The following PLA2G4E variants were observed in gnomAD, a reference collection of about 807,000 sequenced individuals.
PLA2G4E encodes the protein phospholipase A2 group IVE, also known as cytosolic phospholipase A2 epsilon.
Under a neutral mutation model 109.1 loss-of-function variants are expected in PLA2G4E, and 84 were observed. That is an observed-to-expected ratio of 0.77 (90% CI 0.65 to 0.92). PLA2G4E has a LOEUF of 0.92. Ranked by LOEUF, PLA2G4E falls within the 40% of genes least tolerant of loss-of-function variation. PLA2G4E has a pLI of 0.00. For missense variants in PLA2G4E, 1,057 were observed against 1,076.6 expected, an observed-to-expected ratio of 0.98 and a Z score of 0.25; for synonymous variants, 469 against 436.1, an observed-to-expected ratio of 1.08 and a Z score of -0.94.
In PLA2G4E at chr15:41,989,441, G is replaced by A. The variant is rs201200817; in HGVS notation, c.1697C>T (p.Pro566Leu). 2.2e-5 allele frequency: 35 copies of A among 1,613,876 alleles called. 1 individual carries two copies. Among genetic ancestry groups the A allele is most frequent in the South Asian group, 4.4e-5 (4 of 91,084 alleles). Residue 566 changes from proline (P) to leucine (L), a missense_variant, in exon 15 of 20, where the codon CCG (proline) becomes CTG (leucine). Pro to Leu is a moderately conservative substitution (Grantham distance 98). Coordinates refer to ENST00000399518, the Ensembl canonical transcript of PLA2G4E. ...TAGCATGTAGCAGATTCGAGACTCC[G>A]GGATCCTCTTCACCAGCCGCCCCAT...
Position 41,998,106 on chromosome 15 carries a change from C to T in PLA2G4E, c.975-847G>A, listed in dbSNP as rs546475885. ...GTGTCTTCCCTTTGCCCACCTCCAG[C>T]CTGTGCATCCTCTGAGGCCCAGCTC... On this transcript the variant is annotated intron_variant, in intron 10 of 19. Coordinates refer to ENST00000399518, the Ensembl canonical transcript of PLA2G4E. The T allele has an allele frequency of 2.6e-5, 4 of 152,392 alleles. No homozygotes were observed. In the East Asian group the frequency reaches 7.7e-4, roughly 29 times the overall value. 9.4% of individuals were successfully genotyped at this position (152,392 alleles called of 1,614,324 possible).
chr15:41,988,394 G>A (rs1347067165), intron 15 of PLA2G4E, among the ~76,000 whole-genome samples: 1 of 152,182 alleles, frequency 6.6e-6, no homozygotes, highest in African/African-American at 2.4e-5. Flanking sequence ...ACGTAAAGGT[G>A]TATAAGGCAC....
intron 1 of PLA2G4E, among the ~76,000 whole-genome samples, chr15:42,027,920 A>G (rs917990572): frequency 5.4e-5 from 6 of 111,308 alleles, no homozygotes; most frequent in Non-Finnish European, 9.7e-5. Flanking sequence ...CTCTATTAAC[A>G]TAATTCATCA....
At chr15:42,033,749 C>T (rs1214450538) in intron 1 of PLA2G4E, among the ~76,000 whole-genome samples, 1 of 152,208 alleles carries the variant, frequency 6.6e-6, no homozygotes, top group South Asian at 2.1e-4. Flanking sequence ...CACCACCTGG[C>T]ACCCTCTCCC....
chr15:41,998,888 A>G (rs2068381876), intron 10 of PLA2G4E: 1 of 152,340 alleles, frequency 6.6e-6, no homozygotes, highest in East Asian at 1.9e-4. Context: ...CCCCGTCTCT[A>G]CTGAAAATAC....
At position 41,995,548 on chromosome 15, in the gene PLA2G4E, G is replaced by T. The variant is rs567669460; in HGVS notation, c.1111-52C>A. ...GGGGAAGGCTCCAGAAGCAAAGCTTGGGAGAAGACTTAGAATGACGGCAAC... is the reference window on the plus strand; with the variant it reads ...GGGGAAGGCTCCAGAAGCAAAGCTTTGGAGAAGACTTAGAATGACGGCAAC... On this transcript the variant is annotated intron_variant, in intron 11 of 19. Transcript: ENST00000399518. 3 of 1,600,896 alleles carry T rather than the reference G, an allele frequency of 1.9e-6. No individual in the cohort carries two copies. In the African/African-American group the frequency reaches 4.0e-5, roughly 21 times the overall value.
chr15:41,993,828 A>C (rs1042513415), intron 12 of PLA2G4E, among the ~76,000 whole-genome samples: 4 of 152,208 alleles, frequency 2.6e-5, no homozygotes, highest in Admixed American at 2.6e-4. Context: ...CCTGCTCTCC[A>C]TAAGCTTCAC....
chr15:42,027,914 A>G (rs1281767823), intron 1 of PLA2G4E, among the ~76,000 whole-genome samples: 1 of 152,236 alleles, frequency 6.6e-6, no homozygotes, highest in African/African-American at 2.4e-5. Context: ...GTGTTGCTCT[A>G]TTAACATAAT....
exon 13 of PLA2G4E, chr15:41,992,753 G>A (rs1359368215): frequency 1.2e-6 from 2 of 1,612,338 alleles, no homozygotes; most frequent in Non-Finnish European, 8.5e-7. Context: ...CCCCAGGCAG[G>A]TCTCTATCAG....
At chr15:42,019,347 G>C (rs1451952271) in intron 1 of PLA2G4E, among the ~76,000 whole-genome samples, 2 of 152,228 alleles carry the variant, frequency 1.3e-5, no homozygotes, top group African/African-American at 4.8e-5. Context: ...CCAGGGTCAG[G>C]CTCCTGGGTG....
At chr15:41,987,904 TCACCCAGCCATGAGGGAAAGCCGGGGGCC>T (rs1304963471) in intron 16 of PLA2G4E, 116 bp downstream of exon 16, 1 of 557,720 alleles carries the variant, frequency 1.8e-6, no homozygotes, top group East Asian at 3.0e-5. Context: ...CCGCCCCCCA[TCACCCAGCCATGAGGGAAAGCCGGGGGCC>T]GCCCCCCATC....
chr15:42,004,896 T>A, intron 5 of PLA2G4E, 42 bp downstream of exon 5: 1 of 1,602,540 alleles, frequency 6.2e-7, no homozygotes, highest in Non-Finnish European at 8.5e-7. Flanking sequence ...AGCTACTTGA[T>A]GGCCAGGACC....
chr15:42,023,271 A>G (rs935013331), intron 1 of PLA2G4E, among the ~76,000 whole-genome samples: 4 of 151,716 alleles, frequency 2.6e-5, no homozygotes, highest in Non-Finnish European at 5.9e-5. Context: ...TCCCACAGAT[A>G]CCACCAACTT....
In PLA2G4E at chr15:41,987,304, C is replaced by CAGCCA. The variant is rs1566834343; in HGVS notation, c.1902_1903insTGGCT (p.Gly635TrpfsTer50). On this transcript the variant is annotated frameshift_variant, in exon 17 of 20. Transcript: ENST00000399518. LOFTEE classifies it high-confidence loss of function. The stretch of plus-strand genomic sequence containing the variant: ...CGGAAAGAATTGGACAGCCATGACC[C>CAGCCA]TGGGATCACTACCGTGGTCTCCAGG... 2 of 1,614,008 alleles carry CAGCCA rather than the reference C, an allele frequency of 1.2e-6. No homozygotes were observed. Among genetic ancestry groups the CAGCCA allele is most frequent in the Non-Finnish European group, 1.7e-6 (2 of 1,179,866 alleles).
In PLA2G4E at chr15:42,036,098, T is replaced by C. The variant is rs184978648; in HGVS notation, c.183+14423A>G. Among the ~76,000 whole-genome samples, 304 of 152,332 alleles carry C rather than the reference T, an allele frequency of 2.0e-3. 1 individual carries two copies. The highest frequency in any genetic ancestry group is 3.7e-3 in the Non-Finnish European group (253 of 68,016). ...CAGTTGTGACCTATTCCACAACTTA[T>C]GATTTTGTGGGTTAGACATTTAAGC... On this transcript the variant is annotated intron_variant, in intron 1 of 19. Transcript: ENST00000399518.
chr15:41,997,220 G>A (rs1484087116), exon 11 of PLA2G4E: 2 of 1,551,066 alleles, frequency 1.3e-6, no homozygotes, highest in Admixed American at 2.0e-5. Context: ...GCTCTGCTGG[G>A]CACAGGCTGA....
Position 42,002,753 on chromosome 15 carries a change from T to C in PLA2G4E, c.567-57A>G, listed in dbSNP as rs16972422. On this transcript the variant is annotated intron_variant, in intron 5 of 19. Coordinates refer to ENST00000399518, the Ensembl canonical transcript of PLA2G4E. The stretch of plus-strand genomic sequence containing the variant: ...TCTAGCATTCTTGACTGGTTTCTTC[T>C]AATGGCGACAAAGGGAATAAATAGG... The C allele has an allele frequency of 1.4e-3, 2,013 of 1,447,966 alleles. 25 individuals carry two copies. The African/African-American group carries it at 0.026, about 18-fold the overall frequency. 89.7% of individuals were successfully genotyped at this position (1,447,966 alleles called of 1,614,324 possible). A position where few individuals can be genotyped will look rare whatever the true frequency, so the allele number is the denominator to read the frequency against.
chr15:41,987,164 AG>A lies in PLA2G4E; in HGVS notation c.2035+7del. The A allele has an allele frequency of 6.2e-7, 1 of 1,609,026 alleles. No homozygotes were observed. The highest frequency in any genetic ancestry group is 8.5e-7 in the Non-Finnish European group (1 of 1,175,460). ...GGCAGGCCTCAAGGAGTAGCCAGGTAGGGTTACCTTTCCACCTAGAGAACTG... is the reference window on the plus strand; with the variant it reads ...GGCAGGCCTCAAGGAGTAGCCAGGTAGGTTACCTTTCCACCTAGAGAACTG... On this transcript the variant is annotated splice_region_variant and intron_variant, in intron 17 of 19. Coordinates refer to ENST00000399518, the Ensembl canonical transcript of PLA2G4E.
chr15:42,049,502 A>G (rs1457292068), intron 1 of PLA2G4E, among the ~76,000 whole-genome samples: 1 of 152,182 alleles, frequency 6.6e-6, no homozygotes, highest in African/African-American at 2.4e-5. Context: ...GTCCCCCAAT[A>G]TGGAGGACCG....
Sources: allele counts gnomAD v4.1 joint callset (sites outside exome capture counted in the v4.1 genomes callset), GRCh38; gene constraint gnomAD v4.1.1; transcripts MANE v1.5; gene names NCBI Gene and HGNC (gene_info 2026-07-23, HGNC 2026-07-21).